Variants in EPHA6 observed in about 807,000 individuals in gnomAD.
EPHA6 encodes EPH receptor A6.
A neutral mutation model predicts 112.0 loss-of-function variants in EPHA6; 50 were observed. That is an observed-to-expected ratio of 0.45 (90% CI 0.36 to 0.56). The LOEUF (loss-of-function observed/expected upper bound fraction) is 0.56. Ranked by LOEUF, EPHA6 falls within the 20% of genes least tolerant of loss-of-function variation. The pLI, the probability that EPHA6 is intolerant of heterozygous loss-of-function variation, is 0.00. For missense variants in EPHA6, 1,280 were observed against 1,417.4 expected (o/e 0.90, Z 1.56); for synonymous variants, 529 against 490.7 (o/e 1.08, Z -1.03).
intron 5 of EPHA6, among the ~76,000 whole-genome samples, chr3:97,281,704 A>G (rs1320109303): frequency 6.6e-6 from 1 of 152,204 alleles, no homozygotes; most frequent in Non-Finnish European, 1.5e-5. Flanking sequence ...CTTTATATGG[A>G]CAAGGTACTA....
intron 1 of EPHA6, among the ~76,000 whole-genome samples, chr3:96,834,834 A>G (rs1010417450): frequency 6.6e-6 from 1 of 152,022 alleles, no homozygotes; most frequent in East Asian, 1.9e-4. Flanking sequence ...GCTTTCCTTT[A>G]ATTATCTATC....
chr3:97,498,553 T>C (rs2092039604), intron 10 of EPHA6, among the ~76,000 whole-genome samples: 1 of 152,138 alleles, frequency 6.6e-6, no homozygotes, highest in African/African-American at 2.4e-5. Flanking sequence ...ACAATTAGTG[T>C]GAATGTTGTC....
At chr3:97,227,944 G>A (rs1456350999) in intron 4 of EPHA6, among the ~76,000 whole-genome samples, 1 of 152,142 alleles carries the variant, frequency 6.6e-6, no homozygotes, top group Non-Finnish European at 1.5e-5. Flanking sequence ...AAAGGGAGGG[G>A]CAGCATCAGA....
At chr3:97,243,865 C>A in intron 4 of EPHA6, 87 bp from the exon 5 acceptor site, 1 of 974,766 alleles carries the variant, frequency 1.0e-6, no homozygotes, top group Non-Finnish European at 1.5e-6. Flanking sequence ...AAAAGAGCAA[C>A]AAGTGTTTAT....
At chr3:96,973,206 T>C (rs2042384725) in intron 2 of EPHA6, among the ~76,000 whole-genome samples, 1 of 152,214 alleles carries the variant, frequency 6.6e-6, no homozygotes, top group Admixed American at 6.6e-5. Context: ...AAATATTAAA[T>C]AGATTAATTA....
intron 3 of EPHA6, among the ~76,000 whole-genome samples, chr3:97,041,382 T>C (rs1330724169): frequency 6.6e-6 from 1 of 152,106 alleles, no homozygotes; most frequent in Non-Finnish European, 1.5e-5. Flanking sequence ...TGGGGTCTAT[T>C]GGACATTATT....
chr3:97,357,974 G>A (rs1006431222), intron 5 of EPHA6, among the ~76,000 whole-genome samples: 9 of 152,128 alleles, frequency 5.9e-5, no homozygotes, highest in African/African-American at 2.2e-4. Flanking sequence ...AGGCATGGCA[G>A]ATGCAGAAGA....
intron 15 of EPHA6, among the ~76,000 whole-genome samples, chr3:97,727,127 G>C (rs2034807235): frequency 6.6e-6 from 1 of 152,026 alleles, no homozygotes; most frequent in South Asian, 2.1e-4. Flanking sequence ...AAAGAGAACT[G>C]CTATCAGGGA....
chr3:96,911,277 G>T (rs1265325371), intron 2 of EPHA6, among the ~76,000 whole-genome samples: 3 of 151,924 alleles, frequency 2.0e-5, no homozygotes, highest in Admixed American at 6.6e-5. Context: ...TCAGAAAGTT[G>T]ATTCTATTTC....
chr3:97,323,343 T>C (rs1046533874), intron 5 of EPHA6, among the ~76,000 whole-genome samples: 2 of 151,828 alleles, frequency 1.3e-5, no homozygotes, highest in African/African-American at 4.8e-5. Flanking sequence ...TATATGCATA[T>C]AAGAGAAAAA....
At chr3:97,591,735 A>T (rs187097125) in intron 11 of EPHA6, among the ~76,000 whole-genome samples, 7 of 152,320 alleles carry the variant, frequency 4.6e-5, no homozygotes, top group Non-Finnish European at 1.0e-4. Flanking sequence ...CAAAGTGCAG[A>T]GTTTCTAACT....
rs1000229319 is a variant in EPHA6, at chr3:97,648,491, A to G, written c.2784+10409A>G. The G allele has an allele frequency of 7.7e-6, 10 of 1,291,608 alleles. No homozygotes were observed. The African/African-American group carries it at 1.4e-4, about 18-fold the overall frequency. The allele number at this position is 1,291,608 out of a possible 1,614,324, so 80.0% of individuals were successfully genotyped here. On this transcript the variant is annotated intron_variant, in intron 14 of 17. Transcript: ENST00000389672. ...CTTCACCTAATTTAGGTGTTTGTGA[A>G]TTGGCTTGACTTTTTGAAGTTAATT...
In EPHA6 at chr3:97,625,033, A is replaced by G. The variant is rs550255989; in HGVS notation, c.2575-12840A>G. On this transcript the variant is annotated intron_variant, in intron 13 of 17. Coordinates refer to ENST00000389672, the MANE Select transcript of EPHA6 (RefSeq NM_001080448.3). ...TGTGGATTTTCTTTATTGTTTTTCTATTCTCTATTTTATTTATCTTTCTTC... is the reference window on the plus strand; with the variant it reads ...TGTGGATTTTCTTTATTGTTTTTCTGTTCTCTATTTTATTTATCTTTCTTC... Among the ~76,000 whole-genome samples the G allele has an allele frequency of 1.4e-3, 205 of 150,972 alleles. 2 individuals carry two copies. The highest frequency in any genetic ancestry group is 1.5e-3 in the Non-Finnish European group (104 of 67,460).
intron 2 of EPHA6, among the ~76,000 whole-genome samples, chr3:96,959,262 G>A (rs1244763967): frequency 6.6e-6 from 1 of 152,120 alleles, no homozygotes; most frequent in African/African-American, 2.4e-5. Context: ...ATGGCTAATG[G>A]TGTTGATAGC....
intron 3 of EPHA6, among the ~76,000 whole-genome samples, chr3:97,153,499 C>A (rs1017689384): frequency 3.9e-5 from 6 of 152,002 alleles, no homozygotes; most frequent in Non-Finnish European, 7.4e-5. Context: ...TAAAAAATTA[C>A]AATATGCATA....
At chr3:97,483,398 A>G (rs9871066) in intron 9 of EPHA6, among the ~76,000 whole-genome samples, 10,387 of 152,236 alleles carry the variant, frequency 0.068, 1,101 homozygotes, top group African/African-American at 0.23. Flanking sequence ...CATGAATACA[A>G]AAAATGGCCA....
chr3:97,629,272 T>C (rs2093883927), intron 13 of EPHA6, among the ~76,000 whole-genome samples: 1 of 152,004 alleles, frequency 6.6e-6, no homozygotes, highest in Non-Finnish European at 1.5e-5. Flanking sequence ...CACACCTTAA[T>C]TACATTTTTA....
intron 3 of EPHA6, among the ~76,000 whole-genome samples, chr3:97,020,587 G>A (rs567895118): frequency 1.3e-5 from 2 of 152,100 alleles, no homozygotes; most frequent in Non-Finnish European, 2.9e-5. Context: ...GTCAGCAATA[G>A]GGGTCATGAT....
chr3:97,175,279 A>G (rs920444831), intron 3 of EPHA6, among the ~76,000 whole-genome samples: 4 of 151,916 alleles, frequency 2.6e-5, no homozygotes, highest in Admixed American at 2.6e-4. Flanking sequence ...TGCCAGTACC[A>G]TGCTGTTTTG....
Sources: allele counts gnomAD v4.1 joint callset (sites outside exome capture counted in the v4.1 genomes callset), GRCh38; gene constraint gnomAD v4.1.1; transcripts MANE v1.5; gene names NCBI Gene and HGNC (gene_info 2026-07-23, HGNC 2026-07-21).